Variants in AIG1 observed in about 807,000 individuals in gnomAD.
The protein encoded by AIG1 is androgen induced 1.
In AIG1, 23 loss-of-function variants were observed where a neutral mutation model predicts 31.4. That is an observed-to-expected ratio of 0.73 (90% confidence interval 0.53 to 1.04). The LOEUF is 1.04. AIG1 is among the 50% of genes least tolerant of loss of function. AIG1 has a pLI of 0.00. For missense variants in AIG1, 274 were observed against 295.0 expected (o/e 0.93, Z 0.52); for synonymous variants, 100 against 110.5 (o/e 0.90, Z 0.60).
chr6:143,089,856 A>T (rs953542892), intron 1 of AIG1, among the ~76,000 whole-genome samples: 7 of 152,326 alleles, frequency 4.6e-5, no homozygotes, highest in Admixed American at 2.0e-4. Context: ...CCCATAACTC[A>T]ATCAATTCCC....
rs1443495747 is a variant in AIG1, at chr6:143,329,675, TG to T, written c.516-3605del. On this transcript the variant is annotated intron_variant, in intron 4 of 5. Transcript: ENST00000357847. The surrounding 1 kb of genome is among the most constrained non-coding windows in gnomAD (Gnocchi z 4.9). ...GGTGTGCCAAATCCAGCCCACCACC[TG>T]GATTTTTGTTTGTTTGTTTGTTTTA... Among the ~76,000 whole-genome samples, 1 of 144,324 alleles carries T rather than the reference TG, an allele frequency of 6.9e-6. No homozygotes were observed. The highest frequency in any genetic ancestry group is 1.5e-5 in the Non-Finnish European group (1 of 64,694). 94.7% of individuals were successfully genotyped at this position (144,324 alleles called of 152,430 possible). A position where few individuals can be genotyped will look rare whatever the true frequency, so the allele number is the denominator to read the frequency against.
At chr6:143,197,149 A>G (rs963830953) in intron 3 of AIG1, among the ~76,000 whole-genome samples, 5 of 150,972 alleles carry the variant, frequency 3.3e-5, no homozygotes, top group Admixed American at 6.6e-5. Flanking sequence ...ATCCCTTGAA[A>G]GTTCAAATGT....
Position 143,327,465 on chromosome 6 carries a change from G to T in AIG1, c.516-5817G>T, listed in dbSNP as rs751440643. On this transcript the variant is annotated intron_variant, in intron 4 of 5. Coordinates refer to ENST00000357847, the MANE Select transcript of AIG1 (RefSeq NM_016108.4). The surrounding 1 kb of genome is among the most constrained non-coding windows in gnomAD (Gnocchi z 5.3). ...AAGGAGATGGGAACTCCAGATTTGC[G>T]CATTGATACCAGGCCCAACAAAACT... 5 of 399,234 alleles carry T rather than the reference G, an allele frequency of 1.3e-5. No homozygotes were observed. Among genetic ancestry groups the T allele is most frequent in the Non-Finnish European group, 2.4e-5 (5 of 205,860 alleles). 24.7% of individuals were successfully genotyped at this position (399,234 alleles called of 1,614,324 possible).
chr6:143,228,041 A>G (rs1017317372), intron 3 of AIG1, among the ~76,000 whole-genome samples: 1 of 152,220 alleles, frequency 6.6e-6, no homozygotes, highest in African/African-American at 2.4e-5. Flanking sequence ...GTAACATCTT[A>G]TATTTAAAGC....
intron 1 of AIG1, among the ~76,000 whole-genome samples, chr6:143,072,580 T>G (rs1368459451): frequency 6.6e-6 from 1 of 152,128 alleles, no homozygotes; most frequent in Admixed American, 6.5e-5. Context: ...GATATAGATT[T>G]TTTTTTTGTA....
chr6:143,277,601 T>C (rs1462099064), intron 3 of AIG1, among the ~76,000 whole-genome samples: 2 of 152,216 alleles, frequency 1.3e-5, no homozygotes, highest in Non-Finnish European at 2.9e-5. Flanking sequence ...CTCTAGTGAT[T>C]TGATGCACAC....
At chr6:143,232,572 A>G (rs1793517664) in intron 3 of AIG1, among the ~76,000 whole-genome samples, 1 of 152,190 alleles carries the variant, frequency 6.6e-6, no homozygotes, top group South Asian at 2.1e-4. Context: ...ACTCTAGATA[A>G]TAATCCTTCC....
At chr6:143,071,484 A>G (rs1562343800) in intron 1 of AIG1, among the ~76,000 whole-genome samples, 1 of 152,188 alleles carries the variant, frequency 6.6e-6, no homozygotes, top group Non-Finnish European at 1.5e-5. Context: ...TGATAGTTGC[A>G]ATTTTTAGTT....
chr6:143,187,153 T>G (rs890460825), intron 3 of AIG1, among the ~76,000 whole-genome samples: 1 of 152,186 alleles, frequency 6.6e-6, no homozygotes, highest in African/African-American at 2.4e-5. Flanking sequence ...AACAAAAAAT[T>G]AATGAAATTC....
intron 3 of AIG1, among the ~76,000 whole-genome samples, chr6:143,183,827 G>T (rs1048739919): frequency 6.6e-6 from 1 of 152,052 alleles, no homozygotes; most frequent in African/African-American, 2.4e-5. Flanking sequence ...TTTAGGGGAG[G>T]GGGTGGTGGA....
At chr6:143,132,308 A>G (rs1783312858) in intron 1 of AIG1, among the ~76,000 whole-genome samples, 1 of 152,154 alleles carries the variant, frequency 6.6e-6, no homozygotes, top group Admixed American at 6.5e-5. Flanking sequence ...GTGAAAGTCT[A>G]ATGATATTTA....
At chr6:143,091,597 GT>G (rs1779310048) in intron 1 of AIG1, among the ~76,000 whole-genome samples, 1 of 152,220 alleles carries the variant, frequency 6.6e-6, no homozygotes, top group Non-Finnish European at 1.5e-5. Context: ...CCAAGGCACA[GT>G]TACGATGGTA....
intron 1 of AIG1, among the ~76,000 whole-genome samples, chr6:143,084,207 C>T (rs1313944204): frequency 2.0e-5 from 3 of 152,174 alleles, no homozygotes; most frequent in Non-Finnish European, 4.4e-5. Flanking sequence ...GCCCCGGGCA[C>T]CCTCAGTCCT....
chr6:143,068,419 G>A lies in AIG1; in HGVS notation c.141+7353G>A, dbSNP rs562371424. Among the ~76,000 whole-genome samples, 161 of 152,338 alleles carry A rather than the reference G, an allele frequency of 1.1e-3. 2 individuals carry two copies. The highest frequency in any genetic ancestry group is 1.9e-3 in the Non-Finnish European group (130 of 68,030). ...GGGCCCATGCCTCACCTGCAGGGTA[G>A]CCCTTCTGAGTGCGGTGGAAGCAGA... On this transcript the variant is annotated intron_variant, in intron 1 of 5. Coordinates refer to ENST00000357847, the MANE Select transcript of AIG1 (RefSeq NM_016108.4).
At chr6:143,290,050 A>G (rs1797947781) in intron 4 of AIG1, among the ~76,000 whole-genome samples, 1 of 151,956 alleles carries the variant, frequency 6.6e-6, no homozygotes, top group Non-Finnish European at 1.5e-5. Flanking sequence ...CATTTTTCTG[A>G]TTTTCTGGCA....
At chr6:143,247,176 G>T (rs554056155) in intron 3 of AIG1, among the ~76,000 whole-genome samples, 26 of 152,320 alleles carry the variant, frequency 1.7e-4, no homozygotes, top group African/African-American at 6.3e-4. Context: ...TCTGTCGCCA[G>T]GCTGGAGTGC....
Position 143,191,479 on chromosome 6 carries a change from C to T in AIG1, c.399+26296C>T, listed in dbSNP as rs529085398. On this transcript the variant is annotated intron_variant, in intron 3 of 5. Coordinates refer to ENST00000357847, the MANE Select transcript of AIG1 (RefSeq NM_016108.4). Reference sequence around the variant, plus strand: ...CAATTTCCTACAGAAAAAAAACTTACTTGTCAGTGGGATTTTAAAGTTTTA... The same window carrying T: ...CAATTTCCTACAGAAAAAAAACTTATTTGTCAGTGGGATTTTAAAGTTTTA... Among the ~76,000 whole-genome samples the T allele has an allele frequency of 1.3e-4, 20 of 152,138 alleles. No homozygotes were observed. In the South Asian group the frequency reaches 4.2e-3, roughly 32 times the overall value.
At chr6:143,304,897 T>C (rs1175398385) in intron 4 of AIG1, among the ~76,000 whole-genome samples, 2 of 152,240 alleles carry the variant, frequency 1.3e-5, no homozygotes, top group Non-Finnish European at 2.9e-5. Flanking sequence ...ATTGCCACAA[T>C]TTCAGAGCCT....
chr6:143,125,091 T>C (rs1782582504), intron 1 of AIG1, among the ~76,000 whole-genome samples: 1 of 152,248 alleles, frequency 6.6e-6, no homozygotes, highest in Non-Finnish European at 1.5e-5. Context: ...TCTAGCTCTT[T>C]AATGATATTT....
Sources: allele counts gnomAD v4.1 joint callset (sites outside exome capture counted in the v4.1 genomes callset), GRCh38; gene constraint gnomAD v4.1.1; non-coding constraint Gnocchi (gnomAD v3.1); transcripts MANE v1.5; gene names NCBI Gene and HGNC (gene_info 2026-07-23, HGNC 2026-07-21).